Variants in CENPI observed in about 807,000 individuals in gnomAD.
The protein encoded by CENPI is FSH primary response 1.
A neutral mutation model predicts 60.4 loss-of-function variants in CENPI; 4 were observed. The ratio of observed to expected loss-of-function variants is 0.07; its 90% CI spans 0.03 to 0.15. CENPI has a LOEUF of 0.15. CENPI is among the 10% of genes least tolerant of loss of function. The pLI is 1.00. For missense variants in CENPI, 444 were observed against 534.5 expected, an observed-to-expected ratio of 0.83 and a Z score of 1.67; for synonymous variants, 157 against 189.4, an observed-to-expected ratio of 0.83 and a Z score of 1.40.
At chrX:101,119,773 A>C (rs1291062816) in intron 6 of CENPI, among the ~76,000 whole-genome samples, 1 of 112,408 alleles carries the variant, frequency 8.9e-6, no homozygotes, top group East Asian at 2.8e-4. Flanking sequence ...AATATGAAGC[A>C]TCATTGAAAA....
chrX:101,103,337 G>A (rs754428083), intron 4 of CENPI, among the ~76,000 whole-genome samples: 3 of 109,343 alleles, frequency 2.7e-5, no homozygotes, highest in Non-Finnish European at 3.8e-5. Context: ...TTTCCTTTTA[G>A]ACTTTGTTTA....
chrX:101,146,106 G>A, intron 17 of CENPI, 47 bp from the exon 18 acceptor site: 1 of 1,137,729 alleles, frequency 8.8e-7, no homozygotes, highest in Non-Finnish European at 1.2e-6. Flanking sequence ...TAGTTGAGGA[G>A]TTCTGGGGAA....
chrX:101,142,196 T>C (rs2089921041), intron 16 of CENPI, among the ~76,000 whole-genome samples: 1 of 112,047 alleles, frequency 8.9e-6, no homozygotes, highest in Non-Finnish European at 1.9e-5. Context: ...GCAGTGTAAG[T>C]CTCTGATACC....
intron 4 of CENPI, 110 bp downstream of exon 4, chrX:101,102,521 A>C: frequency 3.2e-6 from 1 of 309,123 alleles, no homozygotes; most frequent in Non-Finnish European, 5.3e-6. Context: ...ACACACATAT[A>C]TATATATACT....
chrX:101,162,455 C>CAAAAA (rs1190768253), intron 21 of CENPI, among the ~76,000 whole-genome samples: 2 of 53,939 alleles, frequency 3.7e-5, no homozygotes, highest in African/African-American at 8.4e-5. Context: ...AACCGTATCT[C>CAAAAA]AAAAAAAAAA....
rs943751017 is a variant in CENPI at position 101,131,709 on chromosome X, A to G, written c.1288-481A>G. On this transcript the variant is annotated intron_variant, in intron 13 of 21. Transcript: ENST00000682095. The stretch of plus-strand genomic sequence containing the variant: ...GTCACTGTGAAAAGCTTAGGTGACA[A>G]TGGAAAAAAGGGAAGTCCCAGATCC... Among the ~76,000 whole-genome samples the G allele has an allele frequency of 6.3e-5, 7 of 111,154 alleles. No homozygotes were observed. In the East Asian group the frequency reaches 1.4e-3, roughly 23 times the overall value.
At chrX:101,171,895 G>A in the CENPI span, among the ~76,000 whole-genome samples, 1 of 111,087 alleles carries the variant, frequency 9.0e-6, no homozygotes, top group African/African-American at 3.3e-5. Context: ...TAAGTGAGGT[G>A]GAAACAAAAT....
chrX:101,133,842 G>C (rs992329401), intron 15 of CENPI, among the ~76,000 whole-genome samples: 1 of 112,038 alleles, frequency 8.9e-6, no homozygotes, highest in Admixed American at 9.5e-5. Flanking sequence ...TCCTTTGTGA[G>C]TAGTTCCAGT....
intron 6 of CENPI, among the ~76,000 whole-genome samples, chrX:101,114,959 T>A (rs202026250): frequency 2.7e-4 from 6 of 21,879 alleles, no homozygotes; most frequent in Non-Finnish European, 5.5e-4. Context: ...CATAAAAAAA[T>A]TTTTTTTTTA....
intron 6 of CENPI, 88 bp downstream of exon 6, chrX:101,110,086 AAT>A: frequency 4.4e-6 from 2 of 455,603 alleles, no homozygotes; most frequent in East Asian, 3.9e-5. Flanking sequence ...TGTGCTACAC[AAT>A]ATGTTTTTCC....
chrX:101,163,034 C>T lies in CENPI; in HGVS notation c.*67C>T, dbSNP rs1362458941. On this transcript the variant is annotated 3_prime_UTR_variant, in exon 22 of 22. Coordinates refer to ENST00000682095, the MANE Select transcript of CENPI (RefSeq NM_001386188.2). ...TCCTCATTGCTAGAGCAAAGTGGCTCATCTTGAGTTCCCATTTTCATTTCA... is the reference window on the plus strand; with the variant it reads ...TCCTCATTGCTAGAGCAAAGTGGCTTATCTTGAGTTCCCATTTTCATTTCA... 1.2e-5 allele frequency: 13 copies of T among 1,078,383 alleles called. No homozygotes were observed. The highest frequency in any genetic ancestry group is 1.6e-5 in the Non-Finnish European group (13 of 790,860). 88.9% of individuals were successfully genotyped at this position (1,078,383 alleles called of 1,213,427 possible). A position where few individuals can be genotyped will look rare whatever the true frequency, so the allele number is the denominator to read the frequency against.
chrX:101,146,418 C>T (rs1020911748), intron 18 of CENPI, 141 bp downstream of exon 18: 81 of 549,966 alleles, frequency 1.5e-4, no homozygotes, highest in Non-Finnish European at 5.6e-6. Flanking sequence ...TTGGACATGA[C>T]CTTCCGATAT....
At chrX:101,179,865 A>G in the CENPI span, among the ~76,000 whole-genome samples, 2 of 112,149 alleles carry the variant, frequency 1.8e-5, no homozygotes. Context: ...TGGGTTTACT[A>G]GACCTTATGG....
chrX:101,145,610 T>C (rs2089955138), intron 17 of CENPI, among the ~76,000 whole-genome samples: 1 of 108,987 alleles, frequency 9.2e-6, no homozygotes, highest in East Asian at 2.9e-4. Context: ...TTATAGTATA[T>C]GACCTGGACA....
intron 2 of CENPI, chrX:101,100,739 G>A (rs2089405227): frequency 5.1e-6 from 1 of 194,517 alleles, no homozygotes; most frequent in Admixed American, 6.8e-5. Flanking sequence ...GATTAGTTTT[G>A]GACCCACTTA....
Position 101,124,732 on chromosome X carries a change from G to A in CENPI, c.688-1977G>A, listed in dbSNP as rs748260774. 2.6e-3 allele frequency among the ~76,000 whole-genome samples: 285 copies of A among 111,526 alleles called. 1 individual carries two copies. Among genetic ancestry groups the A allele is most frequent in the Admixed American group, 6.1e-3 (64 of 10,481 alleles). On this transcript the variant is annotated intron_variant, in intron 8 of 21. Transcript: ENST00000682095. Reference sequence around the variant, plus strand: ...TGGTTTTATAAGGGGCTTCCCCTTCGCCCAGCTCTAATTCTTTTCCTTCCT... The same window carrying A: ...TGGTTTTATAAGGGGCTTCCCCTTCACCCAGCTCTAATTCTTTTCCTTCCT...
chrX:101,111,086 C>A (rs2089548564), intron 6 of CENPI, among the ~76,000 whole-genome samples: 1 of 111,181 alleles, frequency 9.0e-6, no homozygotes, highest in African/African-American at 3.3e-5. Flanking sequence ...TTGTAGAGGT[C>A]TTCCAATGTG....
At position 101,164,648 on chromosome X, in the gene CENPI, A is replaced by G. The variant is rs1329181842; in HGVS notation, c.*1681A>G. 8.9e-6 allele frequency among the ~76,000 whole-genome samples: 1 copy of G among 112,256 alleles called. No homozygotes were observed. Among genetic ancestry groups the G allele is most frequent in the African/African-American group, 3.2e-5 (1 of 30,914 alleles). On this transcript the variant is annotated 3_prime_UTR_variant, in exon 22 of 22. Transcript: ENST00000682095. ...CACCCAGCCCAAAGTACCTGTTTTT[A>G]TGGAGTTTACATTCCAATGGAGAAG...
intron 17 of CENPI, among the ~76,000 whole-genome samples, chrX:101,145,771 T>C (rs996903953): frequency 9.1e-6 from 1 of 109,790 alleles, no homozygotes; most frequent in African/African-American, 3.3e-5. Context: ...TAATACCTAG[T>C]TGTCTTGTGT....
Sources: allele counts gnomAD v4.1 joint callset (sites outside exome capture counted in the v4.1 genomes callset), GRCh38; gene constraint gnomAD v4.1.1; transcripts MANE v1.5; gene names NCBI Gene and HGNC (gene_info 2026-07-23, HGNC 2026-07-21).